The following ENPP2 variants were observed in gnomAD, a reference collection of about 807,000 sequenced individuals.
ENPP2 encodes autotaxin.
Under a neutral mutation model 120.2 loss-of-function variants are expected in ENPP2, and 51 were observed. That is an observed-to-expected ratio of 0.42 (90% CI 0.34 to 0.54). The LOEUF is 0.54. Ranked by LOEUF, ENPP2 falls within the 20% of genes least tolerant of loss-of-function variation. The pLI is 0.04. For synonymous variants in ENPP2, 365 were observed against 366.4 expected (o/e 1.00, Z 0.04); for missense variants, 920 against 1,066.5 (o/e 0.86, Z 1.91).
At chr8:119,603,617 A>G (rs1814473246) in intron 9 of ENPP2, among the ~76,000 whole-genome samples, 1 of 152,262 alleles carries the variant, frequency 6.6e-6, no homozygotes, top group African/African-American at 2.4e-5. Context: ...AGGTGAAAAG[A>G]GAATACATTT....
intron 12 of ENPP2, chr8:119,592,965 C>T (rs925305763): frequency 2.9e-5 from 28 of 981,528 alleles, no homozygotes; most frequent in Non-Finnish European, 3.4e-5. Context: ...CAATTTTCAT[C>T]CTCCGAACTC....
intron 1 of ENPP2, among the ~76,000 whole-genome samples, chr8:119,658,332 G>T (rs1446685531): frequency 1.3e-5 from 2 of 152,206 alleles, no homozygotes; most frequent in Non-Finnish European, 2.9e-5. Context: ...GTGCAGTGGT[G>T]CAATCATAGC....
chr8:119,659,345 T>C (rs1419600881), intron 1 of ENPP2, among the ~76,000 whole-genome samples: 1 of 79,370 alleles, frequency 1.3e-5, no homozygotes, highest in Non-Finnish European at 2.8e-5. Flanking sequence ...AAACCAGAGT[T>C]CTTAAGAATT....
At chr8:119,611,369 T>C (rs928974747) in intron 8 of ENPP2, among the ~76,000 whole-genome samples, 4 of 152,140 alleles carry the variant, frequency 2.6e-5, no homozygotes, top group Non-Finnish European at 5.9e-5. Flanking sequence ...AGCACTTGCT[T>C]CAGCAGATCA....
intron 8 of ENPP2, among the ~76,000 whole-genome samples, chr8:119,614,081 T>C (rs940284655): frequency 1.4e-3 from 216 of 149,220 alleles, no homozygotes; most frequent in Non-Finnish European, 2.4e-3. Context: ...TTTTTTTTTT[T>C]TTTGAGATGG....
chr8:119,651,498 G>A (rs568081963), intron 1 of ENPP2, among the ~76,000 whole-genome samples: 2 of 152,252 alleles, frequency 1.3e-5, no homozygotes, highest in South Asian at 4.1e-4. Flanking sequence ...TTAAGTGGGG[G>A]AATCATCTTT....
intron 1 of ENPP2, among the ~76,000 whole-genome samples, chr8:119,646,054 C>T (rs1817437802): frequency 2.0e-5 from 3 of 151,812 alleles, no homozygotes; most frequent in South Asian, 2.1e-4. Flanking sequence ...CCGCAGCCTC[C>T]GCCTCCTGGG....
At chr8:119,595,671 A>G (rs1487221077) in intron 11 of ENPP2, among the ~76,000 whole-genome samples, 1 of 152,214 alleles carries the variant, frequency 6.6e-6, no homozygotes, top group Non-Finnish European at 1.5e-5. Context: ...GAGTTCAGGC[A>G]GTCTTCACAT....
At chr8:119,559,170 G>A (rs1813716132) in intron 24 of ENPP2, among the ~76,000 whole-genome samples, 1 of 152,074 alleles carries the variant, frequency 6.6e-6, no homozygotes, top group African/African-American at 2.4e-5. Flanking sequence ...TACCCACAAT[G>A]GTACTGACCA....
At chr8:119,593,648 G>A in intron 12 of ENPP2, 104 bp downstream of exon 12, 1 of 747,428 alleles carries the variant, frequency 1.3e-6, no homozygotes, top group Non-Finnish European at 2.3e-6. Flanking sequence ...CGGGGATGAG[G>A]TTAAGAATGG....
At chr8:119,588,542 A>T (rs978616603) in intron 13 of ENPP2, among the ~76,000 whole-genome samples, 4 of 150,524 alleles carry the variant, frequency 2.7e-5, no homozygotes, top group African/African-American at 9.7e-5. Context: ...AAAAAAAAAA[A>T]AAAAAAAAAA....
At chr8:119,591,016 A>AAAAAC (rs1554612815) in intron 12 of ENPP2, among the ~76,000 whole-genome samples, 4 of 149,362 alleles carry the variant, frequency 2.7e-5, no homozygotes, top group Admixed American at 2.1e-4. Context: ...AAAAAAAAAA[A>AAAAAC]CCCTAGGTTG....
intron 1 of ENPP2, among the ~76,000 whole-genome samples, chr8:119,661,882 C>A (rs1043041528): frequency 2.6e-5 from 4 of 151,968 alleles, no homozygotes; most frequent in Non-Finnish European, 5.9e-5. Flanking sequence ...TCTGGATGAA[C>A]CTGGAGGTCA....
At chr8:119,649,387 G>A (rs1817564090) in intron 1 of ENPP2, among the ~76,000 whole-genome samples, 2 of 145,896 alleles carry the variant, frequency 1.4e-5, no homozygotes, top group South Asian at 4.3e-4. Context: ...GGATAACAGA[G>A]CAAGACTCCA....
At chr8:119,630,909 T>G (rs966135113) in intron 2 of ENPP2, among the ~76,000 whole-genome samples, 1 of 152,010 alleles carries the variant, frequency 6.6e-6, no homozygotes, top group African/African-American at 2.4e-5. Flanking sequence ...TTTTTTCTTT[T>G]CTGAGACGGA....
chr8:119,659,090 A>G (rs1351220164), intron 1 of ENPP2, among the ~76,000 whole-genome samples: 1 of 151,988 alleles, frequency 6.6e-6, no homozygotes, highest in Non-Finnish European at 1.5e-5. Context: ...CAAGGCAGGC[A>G]GATTGCTTGA....
At chr8:119,637,829 C>A (rs185741714) in intron 2 of ENPP2, among the ~76,000 whole-genome samples, 1 of 152,260 alleles carries the variant, frequency 6.6e-6, no homozygotes, top group African/African-American at 2.4e-5. Context: ...CACTTTGGTT[C>A]TATTATTTAA....
chr8:119,595,858 G>A lies in ENPP2; in HGVS notation c.973-1998C>T, dbSNP rs746546401. The A allele has an allele frequency of 1.1e-5, 18 of 1,613,798 alleles. No individual in the cohort carries two copies. Among genetic ancestry groups the A allele is most frequent in the Admixed American group, 3.3e-5 (2 of 59,996 alleles). ...ATAGATAAACTTACTTTGTCCTGAC[G>A]AGTTTCCGCAGCATAATGATCCATC... On this transcript the variant is annotated intron_variant, in intron 11 of 24. Coordinates refer to ENST00000075322, the MANE Select transcript of ENPP2 (RefSeq NM_001040092.3).
chr8:119,638,791 C>T lies in ENPP2; in HGVS notation c.-11G>A. 1.2e-6 allele frequency: 2 copies of T among 1,613,750 alleles called. No homozygotes were observed. On this transcript the variant is annotated 5_prime_UTR_variant, in exon 1 of 25. Coordinates refer to ENST00000075322, the MANE Select transcript of ENPP2 (RefSeq NM_001040092.3). ...GCTCCTCCTTGCCATGTCGAGGATT[C>T]TTGGAAAGCCTTTTGCAGCGTGTTC... is the stretch of plus-strand genomic sequence containing the variant.
Sources: gnomAD v4.1 joint callset for allele counts (sites outside exome capture counted in the v4.1 genomes callset) on GRCh38, gnomAD v4.1.1 for gene constraint, MANE v1.5 for transcripts, NCBI Gene and HGNC (gene_info 2026-07-23, HGNC 2026-07-21) for gene names.